Variants in NEK6 observed in about 807,000 individuals in gnomAD.
The protein encoded by NEK6 is NIMA related kinase 6, also known as serine/threonine-protein kinase Nek6.
NEK6 carries 27 observed loss-of-function variants against 43.5 expected under a neutral mutation model. The ratio of observed to expected loss-of-function variants is 0.62; its 90% CI spans 0.46 to 0.86. The LOEUF (loss-of-function observed/expected upper bound fraction) is 0.86. Ranked by LOEUF, NEK6 falls within the 40% of genes least tolerant of loss-of-function variation. The pLI is 0.00. For synonymous variants in NEK6, 167 were observed against 164.1 expected (o/e 1.02, Z -0.14); for missense variants, 318 against 414.4 (o/e 0.77, Z 2.02).
intron 1 of NEK6, among the ~76,000 whole-genome samples, chr9:124,267,421 C>G (rs1336492026): frequency 6.6e-6 from 1 of 152,200 alleles, no homozygotes; most frequent in East Asian, 1.9e-4. Context: ...CGGACTGAGT[C>G]AGTGTGTGTA....
chr9:124,284,601 G>A (rs998947495), intron 1 of NEK6, among the ~76,000 whole-genome samples: 1 of 152,256 alleles, frequency 6.6e-6, no homozygotes, highest in Non-Finnish European at 1.5e-5. Context: ...GTCTTAAAAA[G>A]GCAGGACTGA....
chr9:124,312,356 G>A (rs970901819), intron 2 of NEK6, among the ~76,000 whole-genome samples, 153 bp from the exon 3 acceptor site: 26 of 152,212 alleles, frequency 1.7e-4, no homozygotes, highest in African/African-American at 3.6e-4. Context: ...AAGCCCCCTG[G>A]GGGGGTGCCT....
intron 1 of NEK6, among the ~76,000 whole-genome samples, chr9:124,287,344 G>A (rs902427065): frequency 4.6e-5 from 7 of 152,242 alleles, no homozygotes; most frequent in East Asian, 1.9e-4. Flanking sequence ...GGAGCACGAC[G>A]TAGGCAGACA....
rs115279554 is a variant in NEK6, at chr9:124,269,161, T to C, written c.-30+11076T>C. Among the ~76,000 whole-genome samples, 1,119 of 152,262 alleles carry C rather than the reference T, an allele frequency of 7.3e-3. 12 individuals are homozygous for C. Among genetic ancestry groups the C allele is most frequent in the African/African-American group, 0.026 (1,074 of 41,550 alleles). On this transcript the variant is annotated intron_variant, in intron 1 of 9. Transcript: ENST00000320246. ...GCATTCCCAGATGGTGGGGCTCTTA[T>C]TAACCCCAAGTTACAGAGGGGAAAC...
In NEK6 at chr9:124,351,125, G is replaced by C; in HGVS notation, c.*178G>C. On this transcript the variant is annotated 3_prime_UTR_variant, in exon 10 of 10. Coordinates refer to ENST00000320246, the MANE Select transcript of NEK6 (RefSeq NM_014397.6). ...AAGGCAGAGCAGCTGAGGGAGGGGC[G>C]CTGGCCACATGTCACTGATGGTCAG... The C allele has an allele frequency of 3.5e-6, 2 of 567,494 alleles. No homozygotes were observed. Among genetic ancestry groups the C allele is most frequent in the South Asian group, 4.1e-5 (2 of 49,042 alleles). 35.2% of individuals were successfully genotyped at this position (567,494 alleles called of 1,614,324 possible). A position where few individuals can be genotyped will look rare whatever the true frequency, so the allele number is the denominator to read the frequency against.
At position 124,324,517 on chromosome 9, in the gene NEK6, G is replaced by A. The variant is rs1379191962; in HGVS notation, c.406-1813G>A. 6.6e-6 allele frequency among the ~76,000 whole-genome samples: 1 copy of A among 152,226 alleles called. No individual in the cohort carries two copies. ...CGCTAAATGTCAGACAGCGCTTATA[G>A]GACATGACATTTAGAAAATCACCAC... On this transcript the variant is annotated intron_variant, in intron 5 of 9. Coordinates refer to ENST00000320246, the MANE Select transcript of NEK6 (RefSeq NM_014397.6). This position sits in a 1 kb window ranked among gnomAD's most constrained non-coding sequence, Gnocchi z 5.3.
At chr9:124,344,618 G>A (rs978932328) in intron 8 of NEK6, among the ~76,000 whole-genome samples, 4 of 152,262 alleles carry the variant, frequency 2.6e-5, no homozygotes, top group Non-Finnish European at 5.9e-5. Context: ...CTCTGTTCTC[G>A]TTACCTAGAT....
chr9:124,295,456 G>A (rs1444761982), intron 1 of NEK6, among the ~76,000 whole-genome samples: 1 of 152,204 alleles, frequency 6.6e-6, no homozygotes, highest in Non-Finnish European at 1.5e-5. Flanking sequence ...CCAGCAGCCA[G>A]AGCCACAGCT....
At chr9:124,304,271 T>C (rs1312084712) in intron 2 of NEK6, among the ~76,000 whole-genome samples, 1 of 152,214 alleles carries the variant, frequency 6.6e-6, no homozygotes, top group Non-Finnish European at 1.5e-5. Flanking sequence ...TTTCAGGACA[T>C]AGAAGCACCT....
intron 8 of NEK6, among the ~76,000 whole-genome samples, chr9:124,346,553 C>G (rs564324940): frequency 9.9e-5 from 15 of 152,154 alleles, no homozygotes; most frequent in Non-Finnish European, 1.8e-4. Context: ...ACTCGCCCGA[C>G]GGCACTTCAC....
At chr9:124,328,095 G>T (rs537345660) in intron 7 of NEK6, among the ~76,000 whole-genome samples, 2 of 152,188 alleles carry the variant, frequency 1.3e-5, no homozygotes, top group Non-Finnish European at 2.9e-5. Context: ...TGGGTCGGGG[G>T]GTGCTGAAGG....
intron 8 of NEK6, among the ~76,000 whole-genome samples, chr9:124,342,026 G>C (rs989725753): frequency 2.6e-5 from 4 of 152,202 alleles, no homozygotes; most frequent in African/African-American, 9.7e-5. Context: ...GAGGAGTCGT[G>C]AGTTCCAGTC....
At chr9:124,309,723 A>G (rs1833436957) in intron 2 of NEK6, among the ~76,000 whole-genome samples, 1 of 152,254 alleles carries the variant, frequency 6.6e-6, no homozygotes, top group Admixed American at 6.5e-5. Flanking sequence ...TTTTATGAGT[A>G]CGTGCGATTC....
Position 124,352,536 on chromosome 9 carries a change from C to G in NEK6, c.*1589C>G, listed in dbSNP as rs940189442. 3.3e-5 allele frequency: 5 copies of G among 152,188 alleles called. No homozygotes were observed. Among genetic ancestry groups the G allele is most frequent in the South Asian group, 2.1e-4 (1 of 4,834 alleles). 9.4% of individuals were successfully genotyped at this position (152,188 alleles called of 1,614,324 possible). A position where few individuals can be genotyped will look rare whatever the true frequency, so the allele number is the denominator to read the frequency against. On this transcript the variant is annotated 3_prime_UTR_variant, in exon 10 of 10. Transcript: ENST00000320246. ...TGAGGAACCTTGAAAAACACAACTTCCCAGGCCCCATTCAGTAATCCCAGG... is the reference window on the plus strand; with the variant it reads ...TGAGGAACCTTGAAAAACACAACTTGCCAGGCCCCATTCAGTAATCCCAGG...
In NEK6 at chr9:124,327,332, C is replaced by G. The variant is rs1247044427; in HGVS notation, c.515-6C>G. ...CCACACCAATCTCCTTCTCCTCGCC[C>G]TGCAGACATCAAGCCTGCCAACGTG... On this transcript the variant is annotated splice_polypyrimidine_tract_variant and splice_region_variant and intron_variant, in intron 6 of 9. Transcript: ENST00000320246. 1 of 1,613,130 alleles carries G rather than the reference C, an allele frequency of 6.2e-7. No homozygotes were observed. Among genetic ancestry groups the G allele is most frequent in the South Asian group, 1.1e-5 (1 of 91,066 alleles).
At chr9:124,350,501 G>GAC (rs55896623) in intron 9 of NEK6, among the ~76,000 whole-genome samples, 342 of 150,820 alleles carry the variant, frequency 2.3e-3, no homozygotes, top group Middle Eastern at 0.01. Context: ...ACTGACAGCA[G>GAC]ACACACACAC....
At chr9:124,350,477 T>G (rs933091581) in intron 9 of NEK6, among the ~76,000 whole-genome samples, 1 of 145,184 alleles carries the variant, frequency 6.9e-6, no homozygotes, top group African/African-American at 2.6e-5. Context: ...TCCTCTGGTT[T>G]GGGCATCTGC....
At chr9:124,320,491 G>A (rs113214380) in intron 4 of NEK6, among the ~76,000 whole-genome samples, 2,123 of 152,248 alleles carry the variant, frequency 0.014, 40 homozygotes, top group African/African-American at 0.049. Context: ...GCTCACTATC[G>A]GCCTCTGGTG....
intron 1 of NEK6, among the ~76,000 whole-genome samples, chr9:124,298,912 G>T (rs970194297): frequency 6.6e-6 from 1 of 152,164 alleles, no homozygotes; most frequent in African/African-American, 2.4e-5. Context: ...TCTTATTCCC[G>T]GTCCCCCTTG....
Sources: gnomAD v4.1 joint callset for allele counts (sites outside exome capture counted in the v4.1 genomes callset) on GRCh38, gnomAD v4.1.1 for gene constraint, Gnocchi (gnomAD v3.1) non-coding constraint, MANE v1.5 for transcripts, NCBI Gene and HGNC (gene_info 2026-07-23, HGNC 2026-07-21) for gene names.